The following THEMIS variants were observed in gnomAD, a reference collection of about 807,000 sequenced individuals.
THEMIS encodes the protein protein THEMIS.
In THEMIS, 37 loss-of-function variants were observed where a neutral mutation model predicts 52.6. That is an observed-to-expected ratio of 0.70 (90% confidence interval 0.54 to 0.93). THEMIS has a LOEUF of 0.93. Ranked by LOEUF, THEMIS falls within the 40% of genes least tolerant of loss-of-function variation. THEMIS has a pLI of 0.00. For missense variants in THEMIS, 808 were observed against 763.1 expected (o/e 1.06, Z -0.69); for synonymous variants, 292 against 272.7 (o/e 1.07, Z -0.70).
chr6:127,738,688 G>A (rs1775091629), intron 4 of THEMIS, among the ~76,000 whole-genome samples: 1 of 152,082 alleles, frequency 6.6e-6, no homozygotes, highest in Non-Finnish European at 1.5e-5. Flanking sequence ...TGTGCTCTTG[G>A]AAGTCTTTCT....
Position 127,900,853 on chromosome 6 carries a change from A to G in THEMIS, c.80T>C (p.Ile27Thr). The G allele has an allele frequency of 6.2e-7, 1 of 1,612,976 alleles. No homozygotes were observed. Among genetic ancestry groups the G allele is most frequent in the South Asian group, 1.1e-5 (1 of 91,056 alleles). The change falls in exon 1 of 6, where the codon ATC becomes ACC. Residue 27 changes from isoleucine to threonine, a missense_variant. By Grantham distance (89) the Ile-to-Thr change is moderately conservative. Coordinates refer to ENST00000368248, the MANE Select transcript of THEMIS (RefSeq NM_001010923.3). ...TGGAGAGTGCTTACCTTCAAGATAG[A>G]TGCCTGCCTGGATTTCTAGAACCCT... ...LPRVLEIQAG[I>T]YLEGSIYEMF...
intron 4 of THEMIS, among the ~76,000 whole-genome samples, chr6:127,746,699 T>A (rs1239430529): frequency 1.7e-5 from 2 of 120,312 alleles, no homozygotes; most frequent in Non-Finnish European, 3.3e-5. Flanking sequence ...TTTTATTTTA[T>A]ATTGTAGAGA....
At chr6:127,904,600 T>C (rs922010935), upstream of THEMIS, among the ~76,000 whole-genome samples, 1 of 151,936 alleles carries the variant, frequency 6.6e-6, no homozygotes, top group African/African-American at 2.4e-5. Flanking sequence ...TATTTAAAAA[T>C]ACAACATCTA....
At chr6:127,716,459 C>T (rs1415962271) in intron 5 of THEMIS, among the ~76,000 whole-genome samples, 1 of 151,868 alleles carries the variant, frequency 6.6e-6, no homozygotes, top group Non-Finnish European at 1.5e-5. Context: ...ACAGCTGCAT[C>T]CAATGATTGT....
Position 127,784,995 on chromosome 6 carries a change from CTATCTATCTAT to C in THEMIS, c.1758+27877_1758+27887del, listed in dbSNP as rs1226647608. On this transcript the variant is annotated intron_variant, in intron 4 of 5. Coordinates refer to ENST00000368248, the MANE Select transcript of THEMIS (RefSeq NM_001010923.3). ...TCTATCTATCTATCTATCTATCTAT[CTATCTATCTAT>C]TATCTATCTATCTATCTACCTATCA... 2.3e-3 allele frequency among the ~76,000 whole-genome samples: 225 copies of C among 99,136 alleles called. 1 individual carries two copies. Among genetic ancestry groups the C allele is most frequent in the African/African-American group, 7.4e-3 (210 of 28,298 alleles). 65.0% of individuals were successfully genotyped at this position (99,136 alleles called of 152,430 possible).
At chr6:127,833,066 G>A (rs1381809396) in intron 2 of THEMIS, among the ~76,000 whole-genome samples, 3 of 151,796 alleles carry the variant, frequency 2.0e-5, no homozygotes, top group African/African-American at 7.3e-5. Flanking sequence ...TTACAGGTGT[G>A]AGCCATCACA....
At chr6:127,834,754 T>C (rs17055058) in intron 2 of THEMIS, among the ~76,000 whole-genome samples, 29,756 of 151,994 alleles carry the variant, frequency 0.2, 3,820 homozygotes, top group East Asian at 0.59. Flanking sequence ...AAATAAACTT[T>C]CCCAGTAACA....
intron 1 of THEMIS, among the ~76,000 whole-genome samples, chr6:127,865,720 A>G (rs949860352): frequency 9.2e-5 from 14 of 152,166 alleles, no homozygotes; most frequent in Admixed American, 7.2e-4. Context: ...GAAAAGATAC[A>G]CTAACATTAT....
chr6:127,741,588 C>T (rs1350668598), intron 4 of THEMIS, among the ~76,000 whole-genome samples: 1 of 152,200 alleles, frequency 6.6e-6, no homozygotes, highest in Non-Finnish European at 1.5e-5. Flanking sequence ...AAGTGTTCAA[C>T]TAGGTATTTA....
intron 4 of THEMIS, among the ~76,000 whole-genome samples, chr6:127,781,913 C>G (rs1309446802): frequency 6.6e-6 from 1 of 152,204 alleles, no homozygotes; most frequent in Non-Finnish European, 1.5e-5. Context: ...CTTAGCAGAG[C>G]TGAAGCACTG....
chr6:127,827,173 T>A (rs1473647461), intron 3 of THEMIS, among the ~76,000 whole-genome samples: 3 of 152,120 alleles, frequency 2.0e-5, no homozygotes, highest in Non-Finnish European at 4.4e-5. Flanking sequence ...ATTTTGAATC[T>A]TCAATTTAAG....
intron 3 of THEMIS, among the ~76,000 whole-genome samples, chr6:127,816,428 C>G (rs1327527646): frequency 6.6e-6 from 1 of 152,162 alleles, no homozygotes; most frequent in Non-Finnish European, 1.5e-5. Context: ...TAATAGATGT[C>G]TCAAAATTAA....
At chr6:127,798,863 G>A (rs1379509432) in intron 4 of THEMIS, among the ~76,000 whole-genome samples, 1 of 151,452 alleles carries the variant, frequency 6.6e-6, no homozygotes, top group Non-Finnish European at 1.5e-5. Context: ...GTGGTGGCGG[G>A]CGCCTGTAGT....
chr6:127,761,599 C>T (rs187982463), intron 4 of THEMIS, among the ~76,000 whole-genome samples: 16 of 152,150 alleles, frequency 1.1e-4, no homozygotes, highest in Admixed American at 2.6e-4. Flanking sequence ...CTAGAGAAAC[C>T]CCTGCTATAC....
At chr6:127,724,954 T>C (rs1162596361) in intron 4 of THEMIS, among the ~76,000 whole-genome samples, 1 of 152,110 alleles carries the variant, frequency 6.6e-6, no homozygotes, top group Non-Finnish European at 1.5e-5. Flanking sequence ...TAGTTCATGA[T>C]TGTATTTATT....
chr6:127,852,774 G>C (rs897319453), intron 2 of THEMIS, among the ~76,000 whole-genome samples: 26 of 151,344 alleles, frequency 1.7e-4, no homozygotes, highest in Non-Finnish European at 2.5e-4. Context: ...CCTGTATCTG[G>C]GATCCCTTTC....
At chr6:127,911,386 A>C (rs1185193383) in intron 1 of THEMIS, among the ~76,000 whole-genome samples, 1 of 150,790 alleles carries the variant, frequency 6.6e-6, no homozygotes, top group African/African-American at 2.5e-5. Flanking sequence ...TCATGAGTTT[A>C]TTTATATCAG....
chr6:127,908,654 A>G (rs1316554586), intron 1 of THEMIS, among the ~76,000 whole-genome samples: 1 of 152,148 alleles, frequency 6.6e-6, no homozygotes, highest in Non-Finnish European at 1.5e-5. Flanking sequence ...TTATATTCAT[A>G]AGAGATTTTC....
At chr6:127,878,701 G>A (rs270023) in intron 1 of THEMIS, among the ~76,000 whole-genome samples, 40,051 of 152,012 alleles carry the variant, frequency 0.26, 5,847 homozygotes, top group Middle Eastern at 0.4. Context: ...TAATAAATAA[G>A]ATGAGATTAA....
Sources: gnomAD v4.1 joint callset for allele counts (sites outside exome capture counted in the v4.1 genomes callset) on GRCh38, gnomAD v4.1.1 for gene constraint, MANE v1.5 for transcripts, NCBI Gene and HGNC (gene_info 2026-07-23, HGNC 2026-07-21) for gene names.